Variants in OSBPL10 observed in about 807,000 individuals in gnomAD.
OSBPL10 encodes oxysterol-binding protein-related protein 10.
In OSBPL10, 49 loss-of-function variants were observed where a neutral mutation model predicts 81.7. That is an observed-to-expected ratio of 0.60 (90% CI 0.48 to 0.76). OSBPL10 has a LOEUF of 0.76. Ranked by LOEUF, OSBPL10 falls within the 30% of genes least tolerant of loss-of-function variation. OSBPL10 has a pLI of 0.00. For synonymous variants in OSBPL10, 419 were observed against 383.6 expected, an observed-to-expected ratio of 1.09 and a Z score of -1.08; for missense variants, 923 against 987.8, an observed-to-expected ratio of 0.93 and a Z score of 0.88.
intron 5 of OSBPL10, among the ~76,000 whole-genome samples, chr3:31,733,806 C>T (rs1032366456): frequency 4.8e-5 from 7 of 145,422 alleles, no homozygotes; most frequent in South Asian, 2.2e-4. Flanking sequence ...GAGGTCAGAT[C>T]GAGACCATCC....
At chr3:31,813,489 G>A (rs1285803076) in intron 4 of OSBPL10, among the ~76,000 whole-genome samples, 1 of 152,168 alleles carries the variant, frequency 6.6e-6, no homozygotes, top group African/African-American at 2.4e-5. Context: ...AGGAGAAAGT[G>A]TTCATGTAAG....
At chr3:32,038,446 G>A (rs1203466626) in intron 2 of OSBPL10, among the ~76,000 whole-genome samples, 1 of 152,038 alleles carries the variant, frequency 6.6e-6, no homozygotes, top group Non-Finnish European at 1.5e-5. Context: ...TTCAGCCTCC[G>A]GAGTAGCTGG....
intron 4 of OSBPL10, chr3:31,796,203 T>C (rs1699206942): frequency 9.9e-6 from 2 of 201,744 alleles, no homozygotes. Flanking sequence ...AGTCCTTTGC[T>C]GTAACTCCAG....
chr3:31,773,107 G>A (rs1365557303), intron 4 of OSBPL10, among the ~76,000 whole-genome samples: 5 of 151,520 alleles, frequency 3.3e-5, no homozygotes, highest in African/African-American at 1.2e-4. Context: ...ATCCACAAAT[G>A]TAGCTGTTTT....
intron 6 of OSBPL10, among the ~76,000 whole-genome samples, chr3:31,713,587 G>T (rs986014501): frequency 6.6e-6 from 1 of 151,974 alleles, no homozygotes; most frequent in African/African-American, 2.4e-5. Context: ...AGTAGAGATG[G>T]GGATTAGCCA....
At chr3:31,726,589 C>T (rs1411781072) in intron 6 of OSBPL10, among the ~76,000 whole-genome samples, 1 of 152,160 alleles carries the variant, frequency 6.6e-6, no homozygotes, top group African/African-American at 2.4e-5. Context: ...GCTGGAATTA[C>T]AGGCGTGAGC....
At chr3:31,969,528 G>C (rs1200649876) in intron 1 of OSBPL10, 1 of 152,442 alleles carries the variant, frequency 6.6e-6, no homozygotes, top group African/African-American at 2.4e-5. Context: ...CGCTGGGCAC[G>C]GTGGCTCACG....
chr3:31,924,218 A>G lies in OSBPL10; in HGVS notation c.282-44388T>C, dbSNP rs545078864. ...CAGGTGACAGTGCAAGACTTCATCT[A>G]AAAAAAAAAAAGAAAGAAAGAAAAG... On this transcript the variant is annotated intron_variant, in intron 1 of 11. Coordinates refer to ENST00000396556, the MANE Select transcript of OSBPL10 (RefSeq NM_017784.5). Among the ~76,000 whole-genome samples the G allele has an allele frequency of 3.9e-3, 335 of 85,666 alleles. 3 individuals carry two copies. The highest frequency in any genetic ancestry group is 0.019 in the African/African-American group (308 of 15,846). The allele number at this position is 85,666 out of a possible 152,430, so 56.2% of individuals were successfully genotyped here.
intron 4 of OSBPL10, among the ~76,000 whole-genome samples, chr3:31,781,252 A>G (rs1337658182): frequency 1.3e-5 from 2 of 152,242 alleles, no homozygotes; most frequent in African/African-American, 4.8e-5. Context: ...AGCATTTGAC[A>G]AAATCCAGCA....
intron 6 of OSBPL10, among the ~76,000 whole-genome samples, chr3:31,730,066 G>A (rs1211806927): frequency 6.6e-6 from 1 of 152,186 alleles, no homozygotes; most frequent in Non-Finnish European, 1.5e-5. Context: ...AGAGTGGCCG[G>A]GCACGGTGGC....
At chr3:31,885,178 TTATA>T (rs1183766275) in intron 1 of OSBPL10, among the ~76,000 whole-genome samples, 1 of 152,118 alleles carries the variant, frequency 6.6e-6, no homozygotes, top group South Asian at 2.1e-4. Flanking sequence ...TCATATACAC[TTATA>T]TATGTGACAC....
At position 31,812,818 on chromosome 3, in the gene OSBPL10, G is replaced by GAA. The variant is rs1223174164; in HGVS notation, c.729+17221_729+17222insTT. Reference sequence around the variant, plus strand: ...AGAAAGAAAGAAAGAAAGAAAGAAAGAGAAAGAAAGAAAGAAAGAAAGAAA... The same window carrying GAA: ...AGAAAGAAAGAAAGAAAGAAAGAAAGAAAGAAAGAAAGAAAGAAAGAAAGAAA... On this transcript the variant is annotated intron_variant, in intron 4 of 11. Coordinates refer to ENST00000396556, the MANE Select transcript of OSBPL10 (RefSeq NM_017784.5). Among the ~76,000 whole-genome samples, 130 of 25,698 alleles carry GAA rather than the reference G, an allele frequency of 5.1e-3. 4 individuals carry two copies. Among genetic ancestry groups the GAA allele is most frequent in the East Asian group, 6.3e-3 (4 of 630 alleles). The allele number at this position is 25,698 out of a possible 152,430, so 16.9% of individuals were successfully genotyped here.
intron 1 of OSBPL10, among the ~76,000 whole-genome samples, chr3:32,048,792 G>A (rs1699646695): frequency 6.6e-6 from 1 of 152,136 alleles, no homozygotes; most frequent in East Asian, 1.9e-4. Context: ...TTAGTCACAG[G>A]ATGAGATAGG....
At chr3:31,864,983 AG>A (rs1258671430) in intron 3 of OSBPL10, among the ~76,000 whole-genome samples, 1 of 152,096 alleles carries the variant, frequency 6.6e-6, no homozygotes, top group East Asian at 1.9e-4. Flanking sequence ...CCTGTTGCAC[AG>A]GTGAGGCAAG....
intron 1 of OSBPL10, among the ~76,000 whole-genome samples, chr3:31,935,501 T>G (rs1697358665): frequency 6.7e-6 from 1 of 150,152 alleles, no homozygotes; most frequent in South Asian, 2.1e-4. Context: ...AAAAATCTAC[T>G]CCTATGAAAT....
At chr3:31,962,523 T>G (rs1441911497) in intron 1 of OSBPL10, among the ~76,000 whole-genome samples, 1 of 125,692 alleles carries the variant, frequency 8.0e-6, no homozygotes, top group Non-Finnish European at 1.5e-5. Flanking sequence ...ATAAAAGTAA[T>G]GAAACACTAT....
At chr3:31,955,651 A>C (rs1232563750) in intron 1 of OSBPL10, among the ~76,000 whole-genome samples, 1 of 152,148 alleles carries the variant, frequency 6.6e-6, no homozygotes, top group Non-Finnish European at 1.5e-5. Context: ...GAATTTACCC[A>C]CCAGGGATTT....
intron 1 of OSBPL10, among the ~76,000 whole-genome samples, chr3:31,917,744 T>C (rs1286576273): frequency 6.7e-6 from 1 of 150,092 alleles, no homozygotes; most frequent in Non-Finnish European, 1.5e-5. Flanking sequence ...ACGCACTCTT[T>C]TTTCCTCTTG....
chr3:32,000,558 T>C (rs570120045), intron 2 of OSBPL10, among the ~76,000 whole-genome samples: 145 of 152,336 alleles, frequency 9.5e-4, no homozygotes, highest in African/African-American at 3.4e-3. Context: ...ATCATTTATC[T>C]AACACACTCT....
Sources: gnomAD v4.1 joint callset for allele counts (sites outside exome capture counted in the v4.1 genomes callset) on GRCh38, gnomAD v4.1.1 for gene constraint, MANE v1.5 for transcripts, NCBI Gene and HGNC (gene_info 2026-07-23, HGNC 2026-07-21) for gene names.